DSCAML1: variants seen among roughly 807,000 people sequenced by gnomAD.
DSCAML1 encodes DS cell adhesion molecule like 1, also known as cell adhesion molecule DSCAML1.
A neutral mutation model predicts 200.5 loss-of-function variants in DSCAML1; 38 were observed. The ratio of observed to expected loss-of-function variants is 0.19; its 90% CI spans 0.15 to 0.25. The LOEUF is 0.25. Ranked by LOEUF, DSCAML1 falls within the 10% of genes least tolerant of loss-of-function variation. The pLI, the probability that DSCAML1 is intolerant of heterozygous loss-of-function variation, is 1.00. For synonymous variants in DSCAML1, 1,215 were observed against 1,165.0 expected, an observed-to-expected ratio of 1.04 and a Z score of -0.87; for missense variants, 2,223 against 2,858.8, an observed-to-expected ratio of 0.78 and a Z score of 5.07.
intron 20 of DSCAML1, 78 bp downstream of exon 20, chr11:117,450,471 G>A (rs1014003543): frequency 1.5e-5 from 23 of 1,547,978 alleles, no homozygotes; most frequent in Non-Finnish European, 1.9e-5. Flanking sequence ...TCAGGGTTTG[G>A]CCTGGAAGCC....
intron 3 of DSCAML1, among the ~76,000 whole-genome samples, chr11:117,696,123 G>C (rs764716526): frequency 2.4e-4 from 37 of 152,246 alleles, no homozygotes; most frequent in Non-Finnish European, 1.0e-4. Context: ...GGAAAGGTTA[G>C]CGAGTAATCC....
intron 3 of DSCAML1, among the ~76,000 whole-genome samples, chr11:117,763,228 C>A (rs997789334): frequency 1.3e-5 from 2 of 152,080 alleles, no homozygotes; most frequent in Non-Finnish European, 2.9e-5. Flanking sequence ...TTTAGAGTCC[C>A]CTGGGGAGCT....
At chr11:117,723,341 C>T (rs1470804571) in intron 3 of DSCAML1, among the ~76,000 whole-genome samples, 1 of 151,474 alleles carries the variant, frequency 6.6e-6, no homozygotes. Context: ...TGATCTCGGT[C>T]CATTAGGCAT....
intron 4 of DSCAML1, among the ~76,000 whole-genome samples, chr11:117,528,864 GCA>G (rs1812299631): frequency 1.3e-5 from 2 of 152,130 alleles, no homozygotes; most frequent in African/African-American, 4.8e-5. Flanking sequence ...TTTTGTGGAG[GCA>G]CAGACTATTC....
intron 3 of DSCAML1, among the ~76,000 whole-genome samples, chr11:117,628,334 G>A (rs1282341418): frequency 2.0e-5 from 3 of 152,160 alleles, no homozygotes; most frequent in East Asian, 1.9e-4. Context: ...GGTGGGGAGC[G>A]GCTGATCCTC....
intron 3 of DSCAML1, among the ~76,000 whole-genome samples, chr11:117,651,711 CAAAAA>C (rs1193144259): frequency 1.9e-4 from 6 of 31,106 alleles, no homozygotes; most frequent in African/African-American, 4.0e-4. Flanking sequence ...GACTCTGTCT[CAAAAA>C]AAAAAAAAAA....
upstream of DSCAML1, chr11:117,801,889 C>T (rs1197494214): frequency 2.0e-5 from 3 of 152,240 alleles, no homozygotes; most frequent in Admixed American, 6.5e-5. Flanking sequence ...TAACTGTGGC[C>T]TCTCTCCTGC....
At chr11:117,795,231 A>G (rs979144432) in intron 1 of DSCAML1, among the ~76,000 whole-genome samples, 4 of 151,612 alleles carry the variant, frequency 2.6e-5, no homozygotes, top group Non-Finnish European at 2.9e-5. Flanking sequence ...GGCATGGGGG[A>G]GTTGGGGACA....
intron 3 of DSCAML1, among the ~76,000 whole-genome samples, chr11:117,707,658 C>T (rs557072667): frequency 1.1e-4 from 17 of 152,250 alleles, no homozygotes; most frequent in Middle Eastern, 3.4e-3. Flanking sequence ...CTCAGCCTCC[C>T]GAGTAGCTGG....
intron 1 of DSCAML1, among the ~76,000 whole-genome samples, chr11:117,789,924 G>A (rs1335344706): frequency 1.3e-5 from 2 of 152,166 alleles, no homozygotes; most frequent in Non-Finnish European, 2.9e-5. Flanking sequence ...AAAAGACACT[G>A]GGTGGGAAAG....
chr11:117,660,417 C>T (rs528244378), intron 3 of DSCAML1, among the ~76,000 whole-genome samples: 19 of 152,260 alleles, frequency 1.2e-4, no homozygotes, highest in South Asian at 2.1e-4. Flanking sequence ...GTTCCTCAGC[C>T]GAAAAATGAC....
intron 3 of DSCAML1, among the ~76,000 whole-genome samples, chr11:117,710,484 C>T (rs768410459): frequency 3.9e-5 from 6 of 152,144 alleles, no homozygotes; most frequent in Non-Finnish European, 5.9e-5. Context: ...CTCTCTGCAA[C>T]GTTAGCAACC....
chr11:117,686,153 G>A (rs765457778), intron 3 of DSCAML1, among the ~76,000 whole-genome samples: 1 of 152,208 alleles, frequency 6.6e-6, no homozygotes, highest in Non-Finnish European at 1.5e-5. Flanking sequence ...ACATGGTTGA[G>A]CCTGACCTTG....
intron 3 of DSCAML1, among the ~76,000 whole-genome samples, chr11:117,563,328 G>A (rs539093965): frequency 5.3e-5 from 8 of 152,292 alleles, no homozygotes; most frequent in Non-Finnish European, 1.0e-4. Flanking sequence ...ACGGCAGCAC[G>A]CATGGTGCTG....
At chr11:117,581,116 G>A (rs917858931) in intron 3 of DSCAML1, among the ~76,000 whole-genome samples, 4 of 152,326 alleles carry the variant, frequency 2.6e-5, no homozygotes, top group African/African-American at 7.2e-5. Context: ...CTCCTTTGAG[G>A]AGCACTGTGG....
At chr11:117,550,710 A>G (rs553062) in intron 3 of DSCAML1, among the ~76,000 whole-genome samples, 92,214 of 152,106 alleles carry the variant, frequency 0.61, 28,783 homozygotes, top group East Asian at 0.76. Flanking sequence ...TCCCCAGCAC[A>G]CTTGGAATTC....
At chr11:117,687,857 G>A (rs140547657) in intron 3 of DSCAML1, among the ~76,000 whole-genome samples, 5 of 152,308 alleles carry the variant, frequency 3.3e-5, no homozygotes, top group African/African-American at 4.8e-5. Context: ...GGAGCTTAGG[G>A]GAAAGAGGGC....
intron 3 of DSCAML1, among the ~76,000 whole-genome samples, chr11:117,663,777 G>A (rs141429798): frequency 4.6e-5 from 7 of 152,296 alleles, no homozygotes; most frequent in African/African-American, 1.7e-4. Flanking sequence ...AGTACAGGGG[G>A]GCTGGGGGAG....
At chr11:117,539,816 G>T (rs539204693) in intron 3 of DSCAML1, among the ~76,000 whole-genome samples, 1 of 152,206 alleles carries the variant, frequency 6.6e-6, no homozygotes, top group African/African-American at 2.4e-5. Flanking sequence ...AGAGATATTT[G>T]CACACCCAAG....
Sources: gnomAD v4.1 joint callset for allele counts (sites outside exome capture counted in the v4.1 genomes callset) on GRCh38, gnomAD v4.1.1 for gene constraint, MANE v1.5 for transcripts, NCBI Gene and HGNC (gene_info 2026-07-23, HGNC 2026-07-21) for gene names.